CNTN5: variants seen among roughly 807,000 people sequenced by gnomAD.
CNTN5 encodes contactin-5.
In CNTN5, 77 loss-of-function variants were observed where a neutral mutation model predicts 129.1. That is an observed-to-expected ratio of 0.60 (90% CI 0.50 to 0.72). The LOEUF (loss-of-function observed/expected upper bound fraction) is 0.72, where lower values mean the gene tolerates loss of function less well. CNTN5 is among the 30% of genes least tolerant of loss of function. The probability of loss-of-function intolerance (pLI) is 0.00; values close to 1 mark genes in which losing one functional copy is unlikely to be tolerated. For missense variants in CNTN5, 1,478 were observed against 1,328.8 expected, an observed-to-expected ratio of 1.11 and a Z score of -1.75; for synonymous variants, 509 against 465.6, an observed-to-expected ratio of 1.09 and a Z score of -1.20.
intron 3 of CNTN5, among the ~76,000 whole-genome samples, chr11:99,732,553 G>A (rs1943570615): frequency 1.3e-5 from 2 of 152,164 alleles, no homozygotes; most frequent in Admixed American, 6.5e-5. Flanking sequence ...TGAGAGAGGT[G>A]AGAATTGAGT....
Position 99,904,130 on chromosome 11 carries a change from A to T in CNTN5, c.578-11924A>T, listed in dbSNP as rs184234922. ...TCATATATAGATAATTTTGTATCTT[A>T]TATATGCTTTTTATTATACGTTAAG... On this transcript the variant is annotated intron_variant, in intron 6 of 24. Coordinates refer to ENST00000524871, the MANE Select transcript of CNTN5 (RefSeq NM_014361.4). Among the ~76,000 whole-genome samples, 13 of 151,148 alleles carry T rather than the reference A, an allele frequency of 8.6e-5. No individual in the cohort carries two copies. The East Asian group carries it at 2.5e-3, about 29-fold the overall frequency.
intron 1 of CNTN5, among the ~76,000 whole-genome samples, chr11:99,201,219 T>C (rs1454285425): frequency 1.3e-5 from 2 of 150,644 alleles, no homozygotes; most frequent in Non-Finnish European, 3.0e-5. Context: ...AGAGATGGGG[T>C]TTCACCATAT....
At chr11:100,046,177 A>G (rs1325637220) in intron 9 of CNTN5, among the ~76,000 whole-genome samples, 2 of 151,810 alleles carry the variant, frequency 1.3e-5, no homozygotes, top group East Asian at 1.9e-4. Flanking sequence ...TAGGAGATAT[A>G]CCTAATGCTA....
chr11:99,239,712 G>T (rs528884958), intron 1 of CNTN5, among the ~76,000 whole-genome samples: 65 of 152,166 alleles, frequency 4.3e-4, no homozygotes, highest in African/African-American at 1.5e-3. Flanking sequence ...GAGGCGGGCG[G>T]ATCACGAGGT....
chr11:99,462,850 T>G (rs1944767402), intron 2 of CNTN5, among the ~76,000 whole-genome samples: 1 of 152,034 alleles, frequency 6.6e-6, no homozygotes, highest in South Asian at 2.1e-4. Flanking sequence ...TTTGTGACGC[T>G]GAGGCAGGTG....
chr11:99,256,160 A>G (rs2135808282), intron 1 of CNTN5, among the ~76,000 whole-genome samples: 1 of 152,206 alleles, frequency 6.6e-6, no homozygotes, highest in East Asian at 1.9e-4. Flanking sequence ...GAAGTGAAAA[A>G]CTATTTTATC....
intron 1 of CNTN5, among the ~76,000 whole-genome samples, chr11:99,302,527 A>G (rs1240192786): frequency 6.6e-6 from 1 of 151,792 alleles, no homozygotes; most frequent in Non-Finnish European, 1.5e-5. Context: ...GATACATAAT[A>G]CATATGCATA....
chr11:99,183,265 T>A (rs981148516), intron 1 of CNTN5, among the ~76,000 whole-genome samples: 1 of 152,164 alleles, frequency 6.6e-6, no homozygotes, highest in Non-Finnish European at 1.5e-5. Context: ...ATACTGTCTA[T>A]TGAAGAGAAA....
intron 2 of CNTN5, among the ~76,000 whole-genome samples, chr11:99,391,179 A>G (rs1941241255): frequency 1.3e-5 from 2 of 152,134 alleles, no homozygotes; most frequent in Admixed American, 6.6e-5. Context: ...TAAAACCTGT[A>G]AAAAACAAGT....
chr11:99,284,628 TGTGTGTGTG>T (rs1863849590), intron 1 of CNTN5, among the ~76,000 whole-genome samples: 2 of 147,968 alleles, frequency 1.4e-5, no homozygotes, highest in Non-Finnish European at 3.0e-5. Flanking sequence ...TGTGTGTGTG[TGTGTGTGTG>T]TGTGTGTGTG....
intron 2 of CNTN5, among the ~76,000 whole-genome samples, chr11:99,504,268 C>T (rs1208763118): frequency 2.6e-5 from 4 of 152,038 alleles, no homozygotes; most frequent in Non-Finnish European, 4.4e-5. Context: ...AGTGGCTGGG[C>T]GTGATGGCTC....
intron 2 of CNTN5, among the ~76,000 whole-genome samples, chr11:99,394,814 G>C (rs988317626): frequency 1.3e-5 from 2 of 151,694 alleles, no homozygotes; most frequent in South Asian, 2.1e-4. Context: ...CTGTTCCAGT[G>C]TTAGTTTGCC....
chr11:99,963,623 A>G (rs1367013740), intron 8 of CNTN5, among the ~76,000 whole-genome samples: 7 of 152,082 alleles, frequency 4.6e-5, no homozygotes, highest in Non-Finnish European at 8.8e-5. Flanking sequence ...TTGGCTTAGG[A>G]TTGACTTGGC....
At chr11:99,403,649 A>G (rs1941935034) in intron 2 of CNTN5, among the ~76,000 whole-genome samples, 1 of 152,072 alleles carries the variant, frequency 6.6e-6, no homozygotes, top group African/African-American at 2.4e-5. Flanking sequence ...TAATTTCCAT[A>G]TAGTCCTATA....
intron 9 of CNTN5, among the ~76,000 whole-genome samples, chr11:100,055,021 C>A (rs551815990): frequency 8.6e-6 from 1 of 116,034 alleles, no homozygotes; most frequent in African/African-American, 3.5e-5. Flanking sequence ...TCATCATAGC[C>A]GTAGCCTAAA....
intron 7 of CNTN5, among the ~76,000 whole-genome samples, chr11:99,927,456 T>C (rs1950088497): frequency 6.6e-6 from 1 of 152,134 alleles, no homozygotes; most frequent in East Asian, 1.9e-4. Context: ...ACTGGGTAAT[T>C]TAGAAAGGAA....
Position 99,287,882 on chromosome 11 carries a change from A to T in CNTN5, c.-209-37464A>T, listed in dbSNP as rs568105508. On this transcript the variant is annotated intron_variant, in intron 1 of 24. Coordinates refer to ENST00000524871, the MANE Select transcript of CNTN5 (RefSeq NM_014361.4). Reference sequence around the variant, plus strand: ...ATGTGGAGGAATAAAGGAGAAGAGGAAAGAAGATAAATGAAAAAAGAAGGA... The same window carrying T: ...ATGTGGAGGAATAAAGGAGAAGAGGTAAGAAGATAAATGAAAAAAGAAGGA... 1.3e-4 allele frequency among the ~76,000 whole-genome samples: 20 copies of T among 152,074 alleles called. No homozygotes were observed. The South Asian group carries it at 4.2e-3, about 32-fold the overall frequency.
intron 16 of CNTN5, among the ~76,000 whole-genome samples, chr11:100,243,946 C>T (rs1949791665): frequency 6.6e-6 from 1 of 152,088 alleles, no homozygotes; most frequent in African/African-American, 2.4e-5. Context: ...TCCAGACTCT[C>T]CCTTTATTCT....
chr11:100,062,302 T>A (rs1372740601), intron 10 of CNTN5, among the ~76,000 whole-genome samples: 2 of 152,186 alleles, frequency 1.3e-5, no homozygotes, highest in African/African-American at 4.8e-5. Flanking sequence ...TCAAGATCAG[T>A]TCCAAAAGCT....
Sources: gnomAD v4.1 joint callset for allele counts (sites outside exome capture counted in the v4.1 genomes callset) on GRCh38, gnomAD v4.1.1 for gene constraint, MANE v1.5 for transcripts, NCBI Gene and HGNC (gene_info 2026-07-23, HGNC 2026-07-21) for gene names.